Variants in NOSTRIN observed in about 807,000 individuals in gnomAD.
NOSTRIN encodes the protein BM247 homolog.
NOSTRIN carries 63 observed loss-of-function variants against 59.0 expected under a neutral mutation model. The ratio of observed to expected loss-of-function variants is 1.07; its 90% CI spans 0.87 to 1.32. The LOEUF is 1.32. Ranked by LOEUF, NOSTRIN falls within the 40% of genes most tolerant of loss-of-function variation. The pLI, the probability that NOSTRIN is intolerant of heterozygous loss-of-function variation, is 0.00. For missense variants in NOSTRIN, 512 were observed against 473.1 expected, an observed-to-expected ratio of 1.08 and a Z score of -0.76; for synonymous variants, 200 against 165.4, an observed-to-expected ratio of 1.21 and a Z score of -1.61.
intron 8 of NOSTRIN, among the ~76,000 whole-genome samples, chr2:168,844,949 T>TA (rs1159847744): frequency 6.6e-6 from 1 of 151,806 alleles, no homozygotes; most frequent in Non-Finnish European, 1.5e-5. Flanking sequence ...GAGCAAAGGC[T>TA]ATATGGCAGG....
intron 2 of NOSTRIN, among the ~76,000 whole-genome samples, chr2:168,812,958 A>C (rs1686226590): frequency 6.6e-6 from 1 of 152,222 alleles, no homozygotes; most frequent in Non-Finnish European, 1.5e-5. Context: ...GAGCGAGCTG[A>C]AACAGACTTT....
At chr2:168,826,881 C>G (rs1687091530) in intron 3 of NOSTRIN, among the ~76,000 whole-genome samples, 1 of 152,178 alleles carries the variant, frequency 6.6e-6, no homozygotes, top group South Asian at 2.1e-4. Flanking sequence ...TGTTTGCACT[C>G]CTTCCCACCC....
chr2:168,790,380 G>T (rs1301245882), intron 2 of NOSTRIN, among the ~76,000 whole-genome samples: 5 of 152,136 alleles, frequency 3.3e-5, no homozygotes, highest in African/African-American at 7.2e-5. Flanking sequence ...AACTTCAAAG[G>T]TTAAAGTAGT....
At chr2:168,795,024 A>G (rs2105502588), upstream of NOSTRIN, among the ~76,000 whole-genome samples, 1 of 152,376 alleles carries the variant, frequency 6.6e-6, no homozygotes, top group African/African-American at 2.4e-5. Flanking sequence ...TTGCTGTCAC[A>G]GGAAAAAATC....
intron 11 of NOSTRIN, chr2:168,855,896 T>G (rs1363945676): frequency 2.2e-6 from 1 of 454,972 alleles, no homozygotes; most frequent in Non-Finnish European, 4.4e-6. Context: ...AAGTTAGGCA[T>G]GTCAGACTGT....
At chr2:168,814,688 G>A (rs1166314163) in intron 2 of NOSTRIN, among the ~76,000 whole-genome samples, 1 of 152,044 alleles carries the variant, frequency 6.6e-6, no homozygotes, top group Non-Finnish European at 1.5e-5. Context: ...CATAATTCAA[G>A]ATACAGTGAA....
At chr2:168,846,158 T>A (rs1040185430) in intron 8 of NOSTRIN, among the ~76,000 whole-genome samples, 3 of 152,220 alleles carry the variant, frequency 2.0e-5, no homozygotes, top group Non-Finnish European at 4.4e-5. Flanking sequence ...TATTACTCTA[T>A]GTATGCCATA....
rs756381301 is a variant in NOSTRIN, at chr2:168,834,507, G to GCGCACACACACACA, written c.504+183_504+184insGCACACACACACAC. Among the ~76,000 whole-genome samples the GCGCACACACACACA allele has an allele frequency of 1.9e-3, 240 of 125,414 alleles. 1 individual carries two copies. Among genetic ancestry groups the GCGCACACACACACA allele is most frequent in the Non-Finnish European group, 2.3e-3 (140 of 60,222 alleles). 82.3% of individuals were successfully genotyped at this position (125,414 alleles called of 152,430 possible). A position where few individuals can be genotyped will look rare whatever the true frequency, so the allele number is the denominator to read the frequency against. On this transcript the variant is annotated intron_variant, in intron 7 of 15. Coordinates refer to ENST00000317647, the MANE Select transcript of NOSTRIN (RefSeq NM_001039724.4). ...TACTGGCGTGCGCGCGCGCGCGCGC[G>GCGCACACACACACA]CACACACACACACACACACACACAC...
At chr2:168,844,269 C>T (rs555875838) in intron 8 of NOSTRIN, among the ~76,000 whole-genome samples, 2 of 152,218 alleles carry the variant, frequency 1.3e-5, no homozygotes, top group East Asian at 1.9e-4. Flanking sequence ...AGCTTATGCA[C>T]GGCCCCTGGT....
At chr2:168,806,471 G>A (rs1034180527) in intron 1 of NOSTRIN, among the ~76,000 whole-genome samples, 1 of 152,050 alleles carries the variant, frequency 6.6e-6, no homozygotes, top group Non-Finnish European at 1.5e-5. Context: ...TTTTGTAATG[G>A]CTATATTTAT....
chr2:168,862,734 G>T (rs1689544015), intron 15 of NOSTRIN, among the ~76,000 whole-genome samples: 1 of 151,082 alleles, frequency 6.6e-6, no homozygotes, highest in Non-Finnish European at 1.5e-5. Flanking sequence ...CATTATTAAA[G>T]AAGAAAGTCT....
chr2:168,860,144 A>G (rs1488887605), intron 13 of NOSTRIN, among the ~76,000 whole-genome samples: 1 of 152,232 alleles, frequency 6.6e-6, no homozygotes, highest in Non-Finnish European at 1.5e-5. Context: ...GCTCGAAAAC[A>G]ATCTCAATCA....
At chr2:168,802,341 T>A, upstream of NOSTRIN, 1 of 334,404 alleles carries the variant, frequency 3.0e-6, no homozygotes, top group Non-Finnish European at 5.7e-6. Context: ...TGGAGACATG[T>A]TACAGCTTCT....
intron 8 of NOSTRIN, among the ~76,000 whole-genome samples, chr2:168,848,481 G>A (rs1688558943): frequency 6.6e-6 from 1 of 152,240 alleles, no homozygotes; most frequent in South Asian, 2.1e-4. Context: ...AGTTGCATGT[G>A]ATTGGCACAG....
At chr2:168,863,400 G>A in intron 15 of NOSTRIN, 1 of 984,658 alleles carries the variant, frequency 1.0e-6, no homozygotes, top group African/African-American at 1.7e-5. Flanking sequence ...GAGGAAAAGA[G>A]TGAAAGGAAG....
intron 1 of NOSTRIN, among the ~76,000 whole-genome samples, chr2:168,805,559 T>A (rs534387345): frequency 4.6e-5 from 7 of 152,312 alleles, no homozygotes; most frequent in Admixed American, 2.0e-4. Context: ...AACAATCACA[T>A]AGAAATCAAG....
At chr2:168,824,271 T>C (rs1387944242) in intron 2 of NOSTRIN, among the ~76,000 whole-genome samples, 1 of 152,084 alleles carries the variant, frequency 6.6e-6, no homozygotes, top group Non-Finnish European at 1.5e-5. Context: ...GTGTGTATGT[T>C]TGGTTTGCTT....
chr2:168,798,007 A>G (rs948269760), upstream of NOSTRIN: 3 of 152,240 alleles, frequency 2.0e-5, no homozygotes, highest in Admixed American at 1.3e-4. Flanking sequence ...TCATATTTGC[A>G]TATAACCTAC....
chr2:168,828,447 A>G lies in NOSTRIN; in HGVS notation c.288A>G (p.Glu96=), dbSNP rs751131579. ...AACTTGGCAAAGCAATTGAATTGGAAGCAATAAAACCGACTTATCAAGTCC... is the reference window on the plus strand; with the variant it reads ...AACTTGGCAAAGCAATTGAATTGGAGGCAATAAAACCGACTTATCAAGTCC... ...HQKLGKAIEL[E]AIKPTYQVLN... is the part of the protein sequence containing the mutation. The change falls in exon 5 of 16, where the codon GAA becomes GAG. Residue 96 remains glutamate, a synonymous_variant. Coordinates refer to ENST00000317647, the MANE Select transcript of NOSTRIN (RefSeq NM_001039724.4). 1 of 872,410 alleles carries G rather than the reference A, an allele frequency of 1.1e-6. No individual in the cohort carries two copies. The highest frequency in any genetic ancestry group is 2.0e-6 in the Non-Finnish European group (1 of 501,562). 54.0% of individuals were successfully genotyped at this position (872,410 alleles called of 1,614,324 possible). A position where few individuals can be genotyped will look rare whatever the true frequency, so the allele number is the denominator to read the frequency against.
Sources: allele counts gnomAD v4.1 joint callset (sites outside exome capture counted in the v4.1 genomes callset), GRCh38; gene constraint gnomAD v4.1.1; transcripts MANE v1.5; gene names NCBI Gene and HGNC (gene_info 2026-07-23, HGNC 2026-07-21).